Variants in LUC7L3 observed in about 807,000 individuals in gnomAD.
The protein encoded by LUC7L3 is LUC7 like 3 pre-mRNA splicing factor, also known as luc7-like protein 3.
Under a neutral mutation model 66.8 loss-of-function variants are expected in LUC7L3, and 6 were observed. That is an observed-to-expected ratio of 0.09 (90% confidence interval 0.05 to 0.18). The LOEUF is 0.18. Ranked by LOEUF, LUC7L3 falls within the 10% of genes least tolerant of loss-of-function variation. The probability of loss-of-function intolerance (pLI) is 1.00; values close to 1 mark genes in which losing one functional copy is unlikely to be tolerated. For missense variants in LUC7L3, 341 were observed against 531.1 expected (o/e 0.64, Z 3.52); for synonymous variants, 160 against 174.7 (o/e 0.92, Z 0.66).
chr17:50,741,397 T>G (rs1482458448), intron 4 of LUC7L3, 151 bp downstream of exon 4: 7 of 816,718 alleles, frequency 8.6e-6, no homozygotes, highest in Non-Finnish European at 1.3e-5. Context: ...TTTCCAGTCT[T>G]TATTAGCAAA....
intron 1 of LUC7L3, among the ~76,000 whole-genome samples, chr17:50,720,389 C>G (rs1031668955): frequency 6.6e-6 from 1 of 152,236 alleles, no homozygotes; most frequent in Non-Finnish European, 1.5e-5. Context: ...CTTATAGAGG[C>G]AGCTGTCAAG....
At chr17:50,720,014 G>A (rs1454864164) in intron 1 of LUC7L3, among the ~76,000 whole-genome samples, 183 bp downstream of exon 1, 1 of 152,226 alleles carries the variant, frequency 6.6e-6, no homozygotes, top group Non-Finnish European at 1.5e-5. Context: ...GGGTGATTTG[G>A]TTTTGTTGTT....
chr17:50,742,088 G>T (rs1970382971), intron 5 of LUC7L3, among the ~76,000 whole-genome samples: 1 of 152,076 alleles, frequency 6.6e-6, no homozygotes, highest in Non-Finnish European at 1.5e-5. Context: ...GTGTGTGTGT[G>T]TGTGTACATG....
Position 50,732,744 on chromosome 17 carries a change from T to C in LUC7L3, c.100-4216T>C, listed in dbSNP as rs544974651. ...AATTACGACCTCTGGTTCTTTTTCT[T>C]TTTTTCTTTTTTAGACAGGTTGCGT... On this transcript the variant is annotated intron_variant, in intron 1 of 9. Transcript: ENST00000505658. Among the ~76,000 whole-genome samples, 32 of 152,258 alleles carry C rather than the reference T, an allele frequency of 2.1e-4. No homozygotes were observed. The South Asian group carries it at 6.4e-3, about 31-fold the overall frequency.
intron 1 of LUC7L3, among the ~76,000 whole-genome samples, chr17:50,730,139 A>G (rs986675458): frequency 2.0e-5 from 3 of 150,718 alleles, no homozygotes; most frequent in African/African-American, 7.3e-5. Flanking sequence ...CCCCTGGCTA[A>G]TTTTTTTGTA....
At chr17:50,722,752 A>T (rs539728290) in intron 1 of LUC7L3, 1 of 152,212 alleles carries the variant, frequency 6.6e-6, no homozygotes. Flanking sequence ...AATGGTGTGT[A>T]TGTAACCTTC....
intron 7 of LUC7L3, 36 bp downstream of exon 7, chr17:50,744,849 C>T (rs1189026027): frequency 6.4e-6 from 10 of 1,574,548 alleles, no homozygotes; most frequent in Admixed American, 1.7e-5. Context: ...CAGATTCTTG[C>T]TCTGTCACCT....
intron 1 of LUC7L3, among the ~76,000 whole-genome samples, chr17:50,734,033 A>G (rs559564163): frequency 6.6e-6 from 1 of 152,360 alleles, no homozygotes; most frequent in African/African-American, 2.4e-5. Flanking sequence ...AGAATTAGAA[A>G]ATCATATGGC....
chr17:50,751,650 T>A lies in LUC7L3; in HGVS notation c.*989T>A. 9.0e-7 allele frequency: 1 copy of A among 1,110,962 alleles called. No homozygotes were observed. The highest frequency in any genetic ancestry group is 1.1e-6 in the Non-Finnish European group (1 of 901,202). The allele number at this position is 1,110,962 out of a possible 1,614,324, so 68.8% of individuals were successfully genotyped here. ...TGTTACACTCAATGCAATTCTCAAG[T>A]CTATAAGAGGTATGTGCTTAATATT... is the stretch of plus-strand genomic sequence containing the variant. On this transcript the variant is annotated 3_prime_UTR_variant, in exon 10 of 10. Coordinates refer to ENST00000505658, the MANE Select transcript of LUC7L3 (RefSeq NM_016424.5).
rs1416886360 is a variant in LUC7L3 at position 50,753,640 on chromosome 17, A to C, written c.*2979A>C. The stretch of plus-strand genomic sequence containing the variant: ...TAAGATAAAATGGGAAGTAAAATCT[A>C]ACAAACACAAAGATAGCTCCCAGGC... On this transcript the variant is annotated 3_prime_UTR_variant, in exon 10 of 10. Coordinates refer to ENST00000505658, the MANE Select transcript of LUC7L3 (RefSeq NM_016424.5). The C allele has an allele frequency of 2.6e-5, 4 of 152,202 alleles. No homozygotes were observed. The allele number at this position is 152,202 out of a possible 1,614,324, so 9.4% of individuals were successfully genotyped here. A position where few individuals can be genotyped will look rare whatever the true frequency, so the allele number is the denominator to read the frequency against.
In LUC7L3 at chr17:50,740,252, G is replaced by C. The variant is rs1970266226; in HGVS notation, c.167-54G>C. 6 of 1,322,648 alleles carry C rather than the reference G, an allele frequency of 4.5e-6. No individual in the cohort carries two copies. The South Asian group carries it at 6.6e-5, about 14-fold the overall frequency. 81.9% of individuals were successfully genotyped at this position (1,322,648 alleles called of 1,614,324 possible). Reference sequence around the variant, plus strand: ...AAAAATAACTCTTTTTTTTTGGCAAGAAAAGGTTGCTAATAATCACAGATA... The same window carrying C: ...AAAAATAACTCTTTTTTTTTGGCAACAAAAGGTTGCTAATAATCACAGATA... On this transcript the variant is annotated intron_variant, in intron 2 of 9. Coordinates refer to ENST00000505658, the MANE Select transcript of LUC7L3 (RefSeq NM_016424.5).
chr17:50,733,603 G>A (rs1478250571), intron 1 of LUC7L3, among the ~76,000 whole-genome samples: 5 of 151,814 alleles, frequency 3.3e-5, no homozygotes, highest in African/African-American at 7.3e-5. Flanking sequence ...GGGTTTCACC[G>A]TGTTAGCCAG....
intron 7 of LUC7L3, among the ~76,000 whole-genome samples, chr17:50,745,293 T>G (rs1970597875): frequency 6.6e-6 from 1 of 152,180 alleles, no homozygotes; most frequent in African/African-American, 2.4e-5. Context: ...AAATTTCTTC[T>G]AAAGATACAT....
At chr17:50,744,937 G>C (rs1393465754) in intron 7 of LUC7L3, 124 bp downstream of exon 7, 2 of 687,322 alleles carry the variant, frequency 2.9e-6, no homozygotes, top group African/African-American at 3.7e-5. Flanking sequence ...TCAGCCTCCT[G>C]AGTAGCTGGG....
intron 6 of LUC7L3, 80 bp from the exon 7 acceptor site, chr17:50,744,572 C>T (rs371577003): frequency 1.5e-6 from 2 of 1,303,576 alleles, no homozygotes; most frequent in Non-Finnish European, 2.1e-6. Context: ...CATTAGAAAT[C>T]TTTTCTAAAT....
rs200461467 is a variant in LUC7L3 at position 50,741,637 on chromosome 17, C to A, written c.352-20C>A. 13 of 1,558,450 alleles carry A rather than the reference C, an allele frequency of 8.3e-6. No homozygotes were observed. The East Asian group carries it at 1.6e-4, about 19-fold the overall frequency. ...CTTTGTTTTCAACTTGTTGGTAATA[C>A]GTTTTATTGTCTTCAATAGGCCGCT... is the stretch of plus-strand genomic sequence containing the variant. On this transcript the variant is annotated intron_variant, in intron 4 of 9. Transcript: ENST00000505658.
chr17:50,726,600 C>T (rs549322146), intron 1 of LUC7L3, among the ~76,000 whole-genome samples: 6 of 152,124 alleles, frequency 3.9e-5, no homozygotes, highest in East Asian at 1.9e-4. Context: ...TTGATATGTA[C>T]GATAGACTGA....
rs959493505 is a variant in LUC7L3 at position 50,751,105 on chromosome 17, C to T, written c.*444C>T. The T allele has an allele frequency of 1.5e-5, 21 of 1,440,178 alleles. No homozygotes were observed. The highest frequency in any genetic ancestry group is 5.9e-5 in the Admixed American group (2 of 33,968). The allele number at this position is 1,440,178 out of a possible 1,614,324, so 89.2% of individuals were successfully genotyped here. ...ATATGCTTTAAAAACTTAAATATTT[C>T]GGAGGCACATGTTGGACTACTTTGT... On this transcript the variant is annotated 3_prime_UTR_variant, in exon 10 of 10. Coordinates refer to ENST00000505658, the MANE Select transcript of LUC7L3 (RefSeq NM_016424.5).
rs548969671 is a variant in LUC7L3 at position 50,741,859 on chromosome 17, A to G, written c.426+128A>G. 1.1e-5 allele frequency: 7 copies of G among 646,344 alleles called. No homozygotes were observed. The East Asian group carries it at 1.2e-4, about 11-fold the overall frequency. 40.0% of individuals were successfully genotyped at this position (646,344 alleles called of 1,614,324 possible). A position where few individuals can be genotyped will look rare whatever the true frequency, so the allele number is the denominator to read the frequency against. On this transcript the variant is annotated intron_variant, in intron 5 of 9. Coordinates refer to ENST00000505658, the MANE Select transcript of LUC7L3 (RefSeq NM_016424.5). ...CAGCACTTTGGGAGGCCGAGGCGGGAGGATTGCTTGAGCCGGAGAATTTGA... is the reference window on the plus strand; with the variant it reads ...CAGCACTTTGGGAGGCCGAGGCGGGGGGATTGCTTGAGCCGGAGAATTTGA...
Sources: gnomAD v4.1 joint callset for allele counts (sites outside exome capture counted in the v4.1 genomes callset) on GRCh38, gnomAD v4.1.1 for gene constraint, MANE v1.5 for transcripts, NCBI Gene and HGNC (gene_info 2026-07-23, HGNC 2026-07-21) for gene names.